The following LHFPL6 variants were observed in gnomAD, a reference collection of about 807,000 sequenced individuals.
The protein encoded by LHFPL6 is LHFPL tetraspan subfamily member 6.
LHFPL6 carries 9 observed loss-of-function variants against 20.6 expected under a neutral mutation model. The ratio of observed to expected loss-of-function variants is 0.44; its 90% CI spans 0.26 to 0.76. LHFPL6 has a LOEUF of 0.76. LHFPL6 is among the 30% of genes least tolerant of loss of function. LHFPL6 has a pLI of 0.20. For missense variants in LHFPL6, 218 were observed against 253.5 expected, an observed-to-expected ratio of 0.86 and a Z score of 0.95; for synonymous variants, 105 against 98.7, an observed-to-expected ratio of 1.06 and a Z score of -0.38.
At chr13:39,551,244 C>T (rs566713114) in intron 2 of LHFPL6, among the ~76,000 whole-genome samples, 1 of 152,174 alleles carries the variant, frequency 6.6e-6, no homozygotes, top group Admixed American at 6.5e-5. Flanking sequence ...ATGGTGCTGG[C>T]ATCTGATAAG....
intron 2 of LHFPL6, among the ~76,000 whole-genome samples, chr13:39,571,343 C>G (rs576920314): frequency 1.0e-3 from 158 of 152,340 alleles, no homozygotes; most frequent in African/African-American, 3.6e-3. Context: ...TATCCCTACC[C>G]TTTCCTAATT....
chr13:39,489,106 T>C (rs1868827346), intron 2 of LHFPL6, among the ~76,000 whole-genome samples: 2 of 152,344 alleles, frequency 1.3e-5, no homozygotes, highest in South Asian at 4.1e-4. Flanking sequence ...TGTTCAGTCC[T>C]GACATGTTCT....
chr13:39,460,069 T>A (rs2324311), intron 2 of LHFPL6, among the ~76,000 whole-genome samples: 1 of 33,014 alleles, frequency 3.0e-5, no homozygotes. Context: ...AAAATTTAAT[T>A]AATGCCTTGA....
In LHFPL6 at chr13:39,359,238, T is replaced by C. The variant is rs531362449; in HGVS notation, c.485-15184A>G. On this transcript the variant is annotated intron_variant, in intron 3 of 3. Transcript: ENST00000379589. ...AAATTATACGCTGCTGGCGGGAATGTAAATTAGTTCAGGCATTGTGGAGAG... is the reference window on the plus strand; with the variant it reads ...AAATTATACGCTGCTGGCGGGAATGCAAATTAGTTCAGGCATTGTGGAGAG... Among the ~76,000 whole-genome samples, 91 of 152,294 alleles carry C rather than the reference T, an allele frequency of 6.0e-4. 1 individual carries two copies. Among genetic ancestry groups the C allele is most frequent in the African/African-American group, 2.1e-3 (86 of 41,576 alleles).
At chr13:39,364,949 T>C (rs1869972653) in intron 3 of LHFPL6, among the ~76,000 whole-genome samples, 1 of 152,216 alleles carries the variant, frequency 6.6e-6, no homozygotes, top group Admixed American at 6.5e-5. Context: ...AAAGCAAACA[T>C]GTTGGCTCAA....
intron 2 of LHFPL6, among the ~76,000 whole-genome samples, chr13:39,494,919 C>T (rs932120264): frequency 1.6e-4 from 24 of 152,194 alleles, no homozygotes; most frequent in Non-Finnish European, 1.5e-5. Flanking sequence ...TACTACCGAT[C>T]ACATGAGCTG....
chr13:39,490,364 T>G (rs1868881589), intron 2 of LHFPL6, among the ~76,000 whole-genome samples: 1 of 152,032 alleles, frequency 6.6e-6, no homozygotes, highest in Non-Finnish European at 1.5e-5. Flanking sequence ...CAAAGCAGGG[T>G]AGATAAAAAT....
chr13:39,451,511 C>T (rs1298826882), intron 2 of LHFPL6, among the ~76,000 whole-genome samples: 1 of 152,158 alleles, frequency 6.6e-6, no homozygotes, highest in Non-Finnish European at 1.5e-5. Flanking sequence ...AACTGTTTCA[C>T]AAAAAGCCAC....
At chr13:39,471,110 T>C (rs17060022) in intron 2 of LHFPL6, among the ~76,000 whole-genome samples, 14,205 of 152,166 alleles carry the variant, frequency 0.093, 1,264 homozygotes, top group East Asian at 0.51. Context: ...CATGCAGTTA[T>C]GGTAGAAATA....
intron 2 of LHFPL6, among the ~76,000 whole-genome samples, chr13:39,476,793 T>C (rs1202587469): frequency 6.6e-6 from 1 of 152,154 alleles, no homozygotes; most frequent in African/African-American, 2.4e-5. Flanking sequence ...GTGAGGAGCC[T>C]CCTCCCTTCA....
chr13:39,423,117 G>A (rs535553759), intron 2 of LHFPL6, among the ~76,000 whole-genome samples: 4 of 152,224 alleles, frequency 2.6e-5, no homozygotes, highest in African/African-American at 7.2e-5. Context: ...AGATTGGGGT[G>A]GGGACACAGC....
At chr13:39,418,161 T>C (rs1039339090) in intron 2 of LHFPL6, among the ~76,000 whole-genome samples, 20 of 152,180 alleles carry the variant, frequency 1.3e-4, no homozygotes, top group African/African-American at 4.8e-4. Context: ...TAAGTCCTGG[T>C]CAATCTTACT....
At chr13:39,461,552 C>T (rs1872688527) in intron 2 of LHFPL6, among the ~76,000 whole-genome samples, 1 of 152,154 alleles carries the variant, frequency 6.6e-6, no homozygotes, top group Non-Finnish European at 1.5e-5. Flanking sequence ...AACCGGAGAA[C>T]TTTAACATCA....
chr13:39,447,178 G>A (rs111372400), intron 2 of LHFPL6, among the ~76,000 whole-genome samples: 4 of 152,170 alleles, frequency 2.6e-5, no homozygotes, highest in African/African-American at 9.7e-5. Context: ...ACACGTTACT[G>A]TGAAACCCAA....
intron 2 of LHFPL6, among the ~76,000 whole-genome samples, chr13:39,513,269 G>A (rs1382929364): frequency 1.3e-5 from 2 of 152,144 alleles, no homozygotes; most frequent in Non-Finnish European, 2.9e-5. Flanking sequence ...GAAGGGCATG[G>A]CCCTTCTTAT....
intron 2 of LHFPL6, among the ~76,000 whole-genome samples, chr13:39,415,602 C>A (rs902178520): frequency 3.3e-5 from 5 of 152,178 alleles, no homozygotes; most frequent in African/African-American, 1.2e-4. Context: ...CCCGGTGCCC[C>A]ACCAGACTGA....
intron 2 of LHFPL6, among the ~76,000 whole-genome samples, chr13:39,394,619 C>T (rs903965690): frequency 6.6e-6 from 1 of 152,156 alleles, no homozygotes; most frequent in South Asian, 2.1e-4. Context: ...CCATTCTACT[C>T]CATGGGTAGC....
At chr13:39,421,403 C>T (rs1343202352) in intron 2 of LHFPL6, among the ~76,000 whole-genome samples, 1 of 152,086 alleles carries the variant, frequency 6.6e-6, no homozygotes, top group Non-Finnish European at 1.5e-5. Flanking sequence ...CACACACATA[C>T]TGTGATGAAA....
intron 2 of LHFPL6, among the ~76,000 whole-genome samples, chr13:39,558,060 A>G (rs1476306547): frequency 1.3e-5 from 2 of 152,180 alleles, no homozygotes; most frequent in African/African-American, 4.8e-5. Flanking sequence ...CAATGAGCCA[A>G]TTAAACCTCT....
Sources: allele counts gnomAD v4.1 joint callset (sites outside exome capture counted in the v4.1 genomes callset), GRCh38; gene constraint gnomAD v4.1.1; transcripts MANE v1.5; gene names NCBI Gene and HGNC (gene_info 2026-07-23, HGNC 2026-07-21).